The following COP1 variants were observed in gnomAD, a reference collection of about 807,000 sequenced individuals.
COP1 encodes the protein COP1 E3 ubiquitin ligase.
A neutral mutation model predicts 101.3 loss-of-function variants in COP1; 24 were observed. The observed-to-expected ratio is 0.24, with a 90% CI of 0.17 to 0.33. The LOEUF is 0.33. Among genes scored for constraint, COP1 ranks in the 10% least tolerant of loss-of-function variants. The pLI is 1.00. For synonymous variants in COP1, 347 were observed against 341.9 expected (o/e 1.01, Z -0.17); for missense variants, 663 against 906.2 (o/e 0.73, Z 3.45).
At chr1:176,148,978 A>T (rs371999989) in intron 6 of COP1, 28 bp downstream of exon 6, 6 of 1,394,832 alleles carry the variant, frequency 4.3e-6, no homozygotes, top group Non-Finnish European at 4.0e-6. Context: ...TAAATAAAAC[A>T]TTATGTAAAA....
chr1:175,979,779 T>C (rs1655369870), intron 18 of COP1, among the ~76,000 whole-genome samples: 2 of 152,114 alleles, frequency 1.3e-5, no homozygotes. Flanking sequence ...TATTACCATT[T>C]AGTTTCAAGT....
chr1:175,971,007 A>T (rs1055716904), intron 18 of COP1, among the ~76,000 whole-genome samples: 1 of 152,234 alleles, frequency 6.6e-6, no homozygotes, highest in African/African-American at 2.4e-5. Flanking sequence ...AGGGGAAGGA[A>T]CAGAAATGAG....
At chr1:176,123,811 G>A (rs1363706490) in intron 8 of COP1, among the ~76,000 whole-genome samples, 1 of 152,138 alleles carries the variant, frequency 6.6e-6, no homozygotes, top group Non-Finnish European at 1.5e-5. Flanking sequence ...AGGAAAATAA[G>A]CATGTCAGAT....
intron 1 of COP1, among the ~76,000 whole-genome samples, chr1:176,199,745 T>C (rs1174343181): frequency 1.3e-5 from 2 of 152,292 alleles, no homozygotes; most frequent in South Asian, 2.1e-4. Flanking sequence ...GCAAAGCAGA[T>C]CACTGGTTGC....
rs146880802 is a variant in COP1, at chr1:176,046,144, T to G, written c.1421+37A>C. 6 of 1,536,442 alleles carry G rather than the reference T, an allele frequency of 3.9e-6. No individual in the cohort carries two copies. In the East Asian group the frequency reaches 6.8e-5, roughly 17 times the overall value. ...ATAATTACATATGCAAATTGTTACA[T>G]CTATACTGCATCATGTCAAGAAAAT... On this transcript the variant is annotated intron_variant, in intron 12 of 19. Coordinates refer to ENST00000367669, the MANE Select transcript of COP1 (RefSeq NM_022457.7).
chr1:176,186,180 T>C (rs935427538), intron 1 of COP1, among the ~76,000 whole-genome samples: 3 of 152,060 alleles, frequency 2.0e-5, no homozygotes, highest in South Asian at 2.1e-4. Context: ...AGCTATTTAA[T>C]AGAAAACAAT....
At chr1:175,975,384 GA>G (rs1431888921) in intron 18 of COP1, among the ~76,000 whole-genome samples, 5 of 152,048 alleles carry the variant, frequency 3.3e-5, no homozygotes, top group Non-Finnish European at 7.4e-5. Flanking sequence ...CAACCATCCC[GA>G]AGTTATTACT....
chr1:175,996,931 A>G (rs1490827372), intron 15 of COP1, among the ~76,000 whole-genome samples: 11 of 152,046 alleles, frequency 7.2e-5, no homozygotes, highest in South Asian at 4.2e-4. Context: ...AAAAGAGCCC[A>G]CATCGCCAAG....
Position 175,996,902 on chromosome 1 carries a change from C to A in COP1, c.1730-7423G>T, listed in dbSNP as rs1029374184. 1.1e-4 allele frequency among the ~76,000 whole-genome samples: 17 copies of A among 151,842 alleles called. No individual in the cohort carries two copies. In the East Asian group the frequency reaches 1.2e-3, roughly 10 times the overall value. On this transcript the variant is annotated intron_variant, in intron 15 of 19. Coordinates refer to ENST00000367669, the MANE Select transcript of COP1 (RefSeq NM_022457.7). ...TCACAGAATTGGAAAAAACTACTTT[C>A]AAGTTCATATGGAACCAAAAAAGAG...
chr1:176,121,375 T>C (rs1452564326), intron 8 of COP1, among the ~76,000 whole-genome samples: 1 of 152,152 alleles, frequency 6.6e-6, no homozygotes, highest in Non-Finnish European at 1.5e-5. Flanking sequence ...CCACATACCC[T>C]TTAACATTTG....
At chr1:176,008,048 GCGC>G (rs1420823173) in intron 15 of COP1, among the ~76,000 whole-genome samples, 1 of 152,112 alleles carries the variant, frequency 6.6e-6, no homozygotes, top group Non-Finnish European at 1.5e-5. Context: ...ATCTCGTGGT[GCGC>G]CGTTTTTTAA....
chr1:175,957,133 T>C (rs1333826229), intron 18 of COP1, among the ~76,000 whole-genome samples: 2 of 151,664 alleles, frequency 1.3e-5, no homozygotes, highest in African/African-American at 4.9e-5. Flanking sequence ...TAATTTATTA[T>C]TGAAGAAAGA....
chr1:175,986,739 G>C (rs553802437), intron 18 of COP1, among the ~76,000 whole-genome samples: 3 of 152,286 alleles, frequency 2.0e-5, no homozygotes, highest in African/African-American at 7.2e-5. Context: ...GTCACAGAGG[G>C]ACATTATGAC....
chr1:176,139,107 A>C (rs2149758908), intron 6 of COP1, among the ~76,000 whole-genome samples: 1 of 152,170 alleles, frequency 6.6e-6, no homozygotes, highest in Middle Eastern at 3.4e-3. Context: ...CCCATTAAAA[A>C]ATGGGCACAG....
chr1:176,206,798 G>C lies in COP1; in HGVS notation c.181C>G (p.Leu61Val). ...AACACAGGCCGCACCGGGCCCCCGA[G>C]GCCGCCCGAGCCGGCGGCCTGGGCC... ...GVAQAAGSGG[L>V]GGPVRPVLVA... is the part of the protein sequence containing the mutation. The change falls in exon 1 of 20, where the codon CTC becomes GTC. Residue 61 changes from leucine (L) to valine (V), a missense_variant. This residue lies in a region of COP1 where 204 missense variants were observed against 203.6 expected (regional missense o/e 1.00). Transcript: ENST00000367669. The C allele has an allele frequency of 8.7e-6, 12 of 1,386,854 alleles. No homozygotes were observed. Among genetic ancestry groups the C allele is most frequent in the Non-Finnish European group, 1.1e-5 (12 of 1,081,416 alleles). 85.9% of individuals were successfully genotyped at this position (1,386,854 alleles called of 1,614,324 possible).
intron 8 of COP1, among the ~76,000 whole-genome samples, chr1:176,122,762 A>C (rs1245126991): frequency 6.6e-6 from 1 of 152,206 alleles, no homozygotes; most frequent in African/African-American, 2.4e-5. Flanking sequence ...GAAAAAGGAA[A>C]GCAAAAGAGC....
chr1:176,188,834 T>TAC (rs10637320), intron 1 of COP1, among the ~76,000 whole-genome samples: 53,333 of 148,038 alleles, frequency 0.36, 10,693 homozygotes, highest in East Asian at 0.5. Context: ...AACACATAGA[T>TAC]ACACACACAC....
chr1:176,170,372 C>T (rs528191191), intron 3 of COP1, among the ~76,000 whole-genome samples: 2 of 152,092 alleles, frequency 1.3e-5, no homozygotes, highest in African/African-American at 2.4e-5. Flanking sequence ...TGTGTTTCTT[C>T]AATAATAAGA....
intron 15 of COP1, among the ~76,000 whole-genome samples, chr1:175,994,733 A>T (rs1659646488): frequency 1.3e-5 from 2 of 152,248 alleles, no homozygotes; most frequent in Admixed American, 6.5e-5. Context: ...AGGAGCACCC[A>T]GATTCATAAA....
Sources: gnomAD v4.1 joint callset for allele counts (sites outside exome capture counted in the v4.1 genomes callset) on GRCh38, gnomAD v4.1.1 for gene constraint, gnomAD v4.1.1 regional missense constraint, MANE v1.5 for transcripts, NCBI Gene and HGNC (gene_info 2026-07-23, HGNC 2026-07-21) for gene names.